The following ANKRD44 variants were observed in gnomAD, a reference collection of about 807,000 sequenced individuals.
ANKRD44 encodes ankyrin repeat domain 44.
Under a neutral mutation model 116.0 loss-of-function variants are expected in ANKRD44, and 35 were observed. The observed-to-expected ratio is 0.30, with a 90% CI of 0.23 to 0.40. The LOEUF is 0.40. ANKRD44 is among the 10% of genes least tolerant of loss of function. The pLI, the probability that ANKRD44 is intolerant of heterozygous loss-of-function variation, is 1.00. For synonymous variants in ANKRD44, 435 were observed against 461.8 expected (o/e 0.94, Z 0.74); for missense variants, 1,014 against 1,242.6 (o/e 0.82, Z 2.77).
At chr2:197,078,147 TAAAA>T (rs1460070836) in intron 16 of ANKRD44, 1 of 157,496 alleles carries the variant, frequency 6.3e-6, no homozygotes, top group Admixed American at 6.1e-5. Context: ...AACTGTATAA[TAAAA>T]GTTTGTTTTA....
chr2:197,002,916 A>G (rs2076138465), intron 21 of ANKRD44, among the ~76,000 whole-genome samples: 2 of 152,206 alleles, frequency 1.3e-5, no homozygotes, highest in African/African-American at 4.8e-5. Flanking sequence ...ACAATTTGAA[A>G]TATTAAAATA....
rs753205262 is a variant in ANKRD44 at position 197,005,827 on chromosome 2, C to T, written c.2214G>A (p.Thr738=). Residue 738 remains threonine, a synonymous_variant, in exon 21 of 28, where the codon ACG becomes ACA. Transcript: ENST00000282272. The part of the protein sequence containing the change: ...SILCKDSRGR[T]PLHYAAARGH... ...CACGAGCAGCTGCATAGTGCAAGGG[C>T]GTCCTCCCTCTGGAATCTTTACAGA... The T allele has an allele frequency of 1.1e-5, 17 of 1,614,154 alleles. No individual in the cohort carries two copies. The highest frequency in any genetic ancestry group is 6.7e-5 in the East Asian group (3 of 44,904).
intron 1 of ANKRD44, among the ~76,000 whole-genome samples, chr2:197,234,601 GC>G (rs1184665715): frequency 6.6e-6 from 1 of 152,078 alleles, no homozygotes; most frequent in Non-Finnish European, 1.5e-5. Flanking sequence ...TGTTGTACAT[GC>G]CCATCCACCT....
intron 1 of ANKRD44, among the ~76,000 whole-genome samples, chr2:197,210,182 G>C (rs150826366): frequency 6.6e-6 from 1 of 152,158 alleles, no homozygotes; most frequent in Admixed American, 6.5e-5. Flanking sequence ...TGGGTGTTTC[G>C]AATGGAGACA....
intron 16 of ANKRD44, among the ~76,000 whole-genome samples, chr2:197,070,688 T>C (rs1364723843): frequency 1.3e-5 from 2 of 150,890 alleles, no homozygotes; most frequent in Non-Finnish European, 3.0e-5. Context: ...AAAGACATTG[T>C]GCTCGCTCTC....
intron 4 of ANKRD44, among the ~76,000 whole-genome samples, chr2:197,129,867 T>TA (rs2079058842): frequency 6.6e-6 from 1 of 152,238 alleles, no homozygotes; most frequent in South Asian, 2.1e-4. Context: ...TGTTTATGAC[T>TA]ACACATAGTC....
At chr2:197,087,866 T>C (rs2077961811) in intron 12 of ANKRD44, among the ~76,000 whole-genome samples, 1 of 152,080 alleles carries the variant, frequency 6.6e-6, no homozygotes, top group Non-Finnish European at 1.5e-5. Context: ...TTTTTAAAAA[T>C]AATACAAAAT....
chr2:197,094,084 A>G (rs2078106738), intron 10 of ANKRD44, among the ~76,000 whole-genome samples: 1 of 152,202 alleles, frequency 6.6e-6, no homozygotes, highest in African/African-American at 2.4e-5. Flanking sequence ...ATGAAGAAAG[A>G]GCCTTCACAC....
intron 21 of ANKRD44, among the ~76,000 whole-genome samples, chr2:196,974,127 G>A (rs1387436778): frequency 6.6e-6 from 1 of 151,448 alleles, no homozygotes; most frequent in African/African-American, 2.4e-5. Flanking sequence ...CTGTTGCCCA[G>A]GCTAGAGTGC....
In ANKRD44 at chr2:197,125,378, T is replaced by C; in HGVS notation, c.550+3A>G. 6.2e-7 allele frequency: 1 copy of C among 1,613,230 alleles called. No individual in the cohort carries two copies. Among genetic ancestry groups the C allele is most frequent in the African/African-American group, 1.3e-5 (1 of 75,044 alleles). On this transcript the variant is annotated splice_donor_region_variant and intron_variant, in intron 6 of 27. Coordinates refer to ENST00000282272, the MANE Select transcript of ANKRD44 (RefSeq NM_001195144.2). ...CTTTGCTTTCCATGCATGGAATCCT[T>C]ACCCATGTATGCTGCCCAGTGCAGA...
chr2:197,100,278 T>C (rs1456666798), intron 9 of ANKRD44, among the ~76,000 whole-genome samples: 1 of 151,730 alleles, frequency 6.6e-6, no homozygotes, highest in Non-Finnish European at 1.5e-5. Context: ...CTACCAAAAA[T>C]AAAAAAATTA....
At chr2:197,081,030 G>A (rs1482366752) in intron 15 of ANKRD44, among the ~76,000 whole-genome samples, 2 of 152,176 alleles carry the variant, frequency 1.3e-5, no homozygotes, top group African/African-American at 4.8e-5. Context: ...CTCAGAGGAC[G>A]AAGCTGTAGA....
rs564686649 is a variant in ANKRD44 at position 197,070,423 on chromosome 2, G to A, written c.1650+8280C>T. 2.0e-5 allele frequency among the ~76,000 whole-genome samples: 3 copies of A among 152,148 alleles called. No individual in the cohort carries two copies. The South Asian group carries it at 6.2e-4, about 32-fold the overall frequency. On this transcript the variant is annotated intron_variant, in intron 16 of 27. Transcript: ENST00000282272. ...AATATTTCTAGGAGAGTTTTTTGTT[G>A]TTGTTGTTGTTGCTTGCTTGTTTTA...
chr2:197,010,553 C>T (rs1233971029), intron 18 of ANKRD44, among the ~76,000 whole-genome samples: 1 of 152,230 alleles, frequency 6.6e-6, no homozygotes, highest in Non-Finnish European at 1.5e-5. Flanking sequence ...CTTTAGAAGG[C>T]TGTAGTGGTC....
At chr2:197,208,026 C>T (rs568887459) in intron 1 of ANKRD44, among the ~76,000 whole-genome samples, 11 of 152,250 alleles carry the variant, frequency 7.2e-5, no homozygotes, top group African/African-American at 2.6e-4. Context: ...TTGGTTTTAT[C>T]GTAGTATTAC....
chr2:197,137,194 G>A (rs2079240002), intron 3 of ANKRD44, among the ~76,000 whole-genome samples: 1 of 152,176 alleles, frequency 6.6e-6, no homozygotes, highest in Admixed American at 6.5e-5. Context: ...CCTTTTAGGG[G>A]GTTCAGGGTT....
chr2:196,990,400 A>G, intron 27 of ANKRD44: 1 of 1,083,090 alleles, frequency 9.2e-7, no homozygotes, highest in Non-Finnish European at 1.1e-6. Flanking sequence ...CCCAAAGAAC[A>G]GGAATTAAAT....
chr2:197,127,679 T>C (rs751989565), intron 4 of ANKRD44, among the ~76,000 whole-genome samples: 1 of 152,188 alleles, frequency 6.6e-6, no homozygotes, highest in Non-Finnish European at 1.5e-5. Flanking sequence ...AATCAACTTT[T>C]ATTTTAAGTT....
intron 21 of ANKRD44, among the ~76,000 whole-genome samples, chr2:196,967,912 ACTCTCTCTCTCT>A (rs35734167): frequency 7.1e-6 from 1 of 140,862 alleles, no homozygotes; most frequent in Non-Finnish European, 1.5e-5. Context: ...ATGGCTTGGC[ACTCTCTCTCTCT>A]CTCTCTCTCT....
Sources: gnomAD v4.1 joint callset for allele counts (sites outside exome capture counted in the v4.1 genomes callset) on GRCh38, gnomAD v4.1.1 for gene constraint, MANE v1.5 for transcripts, NCBI Gene and HGNC (gene_info 2026-07-23, HGNC 2026-07-21) for gene names.